Variants in MCAT observed in about 807,000 individuals in gnomAD.
MCAT encodes malonyl-CoA-acyl carrier protein transacylase, mitochondrial.
In MCAT, 22 loss-of-function variants were observed where a neutral mutation model predicts 22.9. That is an observed-to-expected ratio of 0.96 (90% CI 0.69 to 1.37). The LOEUF is 1.37. Ranked by LOEUF, MCAT falls within the 40% of genes most tolerant of loss-of-function variation. The probability of loss-of-function intolerance (pLI) is 0.00; values close to 1 mark genes in which losing one functional copy is unlikely to be tolerated. For missense variants in MCAT, 534 were observed against 533.6 expected (o/e 1.00, Z -0.01); for synonymous variants, 240 against 233.9 (o/e 1.03, Z -0.24).
At chr22:43,142,882 C>T in intron 1 of MCAT, 44 bp downstream of exon 1, 2 of 1,450,198 alleles carry the variant, frequency 1.4e-6, no homozygotes, top group Non-Finnish European at 1.8e-6. Flanking sequence ...AGAGCTCAGG[C>T]AGAGCTCACC....
intron 3 of MCAT, among the ~76,000 whole-genome samples, chr22:43,134,663 C>T (rs190439259): frequency 2.9e-4 from 44 of 152,290 alleles, no homozygotes; most frequent in South Asian, 1.0e-3. Flanking sequence ...CCCAGCCTGG[C>T]GAGCACAGAC....
At chr22:43,136,972 G>T (rs1400255489) in intron 3 of MCAT, 109 bp downstream of exon 3, 31 of 909,430 alleles carry the variant, frequency 3.4e-5, no homozygotes, top group Non-Finnish European at 5.0e-5. Flanking sequence ...ACTTCCTAAA[G>T]ACCGGGCTGG....
intron 3 of MCAT, among the ~76,000 whole-genome samples, chr22:43,136,205 C>A (rs1008739795): frequency 2.6e-5 from 4 of 152,206 alleles, no homozygotes; most frequent in African/African-American, 9.6e-5. Context: ...GATGGTGCCA[C>A]CATACTCCAG....
intron 3 of MCAT, among the ~76,000 whole-genome samples, chr22:43,136,014 G>C (rs1337053776): frequency 6.6e-6 from 1 of 152,152 alleles, no homozygotes; most frequent in South Asian, 2.1e-4. Context: ...AGGCTGAGGT[G>C]GGGGGATCCC....
intron 2 of MCAT, among the ~76,000 whole-genome samples, chr22:43,137,735 GT>G (rs369123320): frequency 0.24 from 34,441 of 146,146 alleles, 4,681 homozygotes; most frequent in African/African-American, 0.39. Flanking sequence ...TAGCGCCACT[GT>G]TTTTTTTTTT....
At position 43,143,067 on chromosome 22, in the gene MCAT, G is replaced by A. The variant is rs1426690051; in HGVS notation, c.282C>T (p.Ala94=). Residue 94 remains alanine, a synonymous_variant, in exon 1 of 4, where the codon GCC becomes GCT. Transcript: ENST00000290429. The part of the protein sequence containing the change: ...YPRVRELYAA[A]RRVLGYDLLE... ...GCAGGTCGTAGCCCAGCACGCGGCG[G>A]GCGGCGGCGTAGAGTTCGCGGACGC... 81 of 1,609,266 alleles carry A rather than the reference G, an allele frequency of 5.0e-5. No individual in the cohort carries two copies. The highest frequency in any genetic ancestry group is 6.6e-5 in the Non-Finnish European group (78 of 1,179,224).
intron 2 of MCAT, 24 bp downstream of exon 2, chr22:43,141,138 A>G: frequency 1.2e-6 from 2 of 1,611,472 alleles, no homozygotes; most frequent in Non-Finnish European, 1.7e-6. Flanking sequence ...ACAGCCTTGC[A>G]TAAAACCAAA....
At chr22:43,137,396 A>T in intron 2 of MCAT, 98 bp from the exon 3 acceptor site, 5 of 944,460 alleles carry the variant, frequency 5.3e-6, no homozygotes, top group Non-Finnish European at 6.4e-6. Flanking sequence ...TCTGCACTAG[A>T]GACAGGGGCA....
Position 43,137,136 on chromosome 22 carries a change from C to A in MCAT, c.674G>T (p.Cys225Phe). 6.2e-7 allele frequency: 1 copy of A among 1,614,172 alleles called. No individual in the cohort carries two copies. The highest frequency in any genetic ancestry group is 8.5e-7 in the Non-Finnish European group (1 of 1,180,044). Residue 225 changes from cysteine to phenylalanine, a missense_variant, in exon 3 of 4, where the codon TGT (cysteine) becomes TTT (phenylalanine). Physicochemically the swap from Cys to Phe is radical, Grantham distance 205 (BLOSUM62 -2). Coordinates refer to ENST00000290429, the MANE Select transcript of MCAT (RefSeq NM_173467.5). ...TGGAAAGAGGTAGTTGGACACTTCA[C>A]ATACGGGGTTCTCTATGCCTAAAGA... is the stretch of plus-strand genomic sequence containing the variant. ...CKSLGIENPVCEVSNYLFPDC... is the reference protein window; with the variant it reads ...CKSLGIENPVFEVSNYLFPDC...
intron 3 of MCAT, 56 bp from the exon 4 acceptor site, chr22:43,133,542 ATCTGACCAT>A (rs1467113206): frequency 4.2e-6 from 6 of 1,427,380 alleles, no homozygotes; most frequent in Non-Finnish European, 5.7e-6. Context: ...GCCTTTACAG[ATCTGACCAT>A]TCACAGGGCC....
Position 43,132,891 on chromosome 22 carries a change from AG to A in MCAT, c.*151del. 1 of 653,954 alleles carries A rather than the reference AG, an allele frequency of 1.5e-6. No homozygotes were observed. 40.5% of individuals were successfully genotyped at this position (653,954 alleles called of 1,614,324 possible). On this transcript the variant is annotated 3_prime_UTR_variant, in exon 4 of 4. Transcript: ENST00000290429. ...GTCATGTAAAGAAATACTCATTTTT[AG>A]GGCTTTTTATGTGGCCTTCAAAGCA...
At chr22:43,140,224 C>T (rs1283470996) in intron 2 of MCAT, among the ~76,000 whole-genome samples, 1 of 152,208 alleles carries the variant, frequency 6.6e-6, no homozygotes, top group Non-Finnish European at 1.5e-5. Flanking sequence ...GTCACCCATG[C>T]CGCAGTGCAG....
chr22:43,141,111 C>T (rs1930754713), intron 2 of MCAT, 51 bp downstream of exon 2: 1 of 1,523,122 alleles, frequency 6.6e-7, no homozygotes, highest in South Asian at 1.1e-5. Flanking sequence ...TCCCTTACCC[C>T]TAATGAGCCC....
rs1314949054 is a variant in MCAT at position 43,142,974 on chromosome 22, G to A, written c.375C>T (p.Phe125=). The change falls in exon 1 of 4, where the codon TTC becomes TTT. Residue 125 remains phenylalanine, a synonymous_variant. Coordinates refer to ENST00000290429, the MANE Select transcript of MCAT (RefSeq NM_173467.5). ...DRTVHCQPAI[F]VASLAAVEKL... ...TCTCGACAGCGGCCAGCGATGCCACGAAGATCGCGGGCTGACAGTGCACGG... is the reference window on the plus strand; with the variant it reads ...TCTCGACAGCGGCCAGCGATGCCACAAAGATCGCGGGCTGACAGTGCACGG... The A allele has an allele frequency of 2.5e-6, 4 of 1,597,550 alleles. No individual in the cohort carries two copies. Among genetic ancestry groups the A allele is most frequent in the Non-Finnish European group, 3.4e-6 (4 of 1,171,844 alleles).
chr22:43,141,841 T>C (rs559816469), intron 1 of MCAT, among the ~76,000 whole-genome samples: 42 of 152,302 alleles, frequency 2.8e-4, no homozygotes, highest in African/African-American at 9.4e-4. Context: ...AAGTGCTGGA[T>C]TATAGGCATT....
Position 43,143,180 on chromosome 22 carries a change from G to A in MCAT, c.169C>T (p.Arg57Ter), listed in dbSNP as rs11538338. ...AGCACGGAGCACTGGCCCGGCATTC[G>A]CCGCTCCGTCGCCGCCCAGGGCGCC... The part of the protein sequence containing the change: ...EEAPWAATER[R>*]MPGQCSVLLF... The change falls in exon 1 of 4, where the codon CGA (arginine) becomes TGA (stop). Residue 57 changes from arginine to a stop codon, truncating the protein, a stop_gained. Coordinates refer to ENST00000290429, the MANE Select transcript of MCAT (RefSeq NM_173467.5). LOFTEE classifies it high-confidence loss of function. 3 of 1,553,602 alleles carry A rather than the reference G, an allele frequency of 1.9e-6. No individual in the cohort carries two copies. The highest frequency in any genetic ancestry group is 2.8e-5 in the African/African-American group (2 of 71,696).
At position 43,133,391 on chromosome 22, in the gene MCAT, CTCCATGAGGCGGGT is replaced by C. The variant is rs773735473; in HGVS notation, c.811_824del (p.Thr271AlafsTer16). The C allele has an allele frequency of 6.2e-7, 1 of 1,614,170 alleles. No individual in the cohort carries two copies. The highest frequency in any genetic ancestry group is 1.7e-5 in the Admixed American group (1 of 60,010). Reference sequence around the variant, plus strand: ...CTTGCGTCAGGGGCTCCACGGCTGGCTCCATGAGGCGGGTGTGGAATGCGCCACTAACCGGCAAC... The same window carrying C: ...CTTGCGTCAGGGGCTCCACGGCTGGCGTGGAATGCGCCACTAACCGGCAAC... On this transcript the variant is annotated frameshift_variant, in exon 4 of 4. Coordinates refer to ENST00000290429, the MANE Select transcript of MCAT (RefSeq NM_173467.5). LOFTEE classifies it low-confidence loss of function (END_TRUNC).
intron 2 of MCAT, among the ~76,000 whole-genome samples, chr22:43,138,939 A>C (rs1474165572): frequency 1.3e-5 from 2 of 152,210 alleles, no homozygotes; most frequent in Non-Finnish European, 2.9e-5. Flanking sequence ...TATGTACTGG[A>C]CTTTTAGCTC....
intron 3 of MCAT, 43 bp from the exon 4 acceptor site, chr22:43,133,529 T>G: frequency 6.6e-7 from 1 of 1,508,348 alleles, no homozygotes; most frequent in Non-Finnish European, 9.0e-7. Context: ...GTCCCAGAAA[T>G]CCGCCTTTAC....
Sources: gnomAD v4.1 joint callset for allele counts (sites outside exome capture counted in the v4.1 genomes callset) on GRCh38, gnomAD v4.1.1 for gene constraint, MANE v1.5 for transcripts, NCBI Gene and HGNC (gene_info 2026-07-23, HGNC 2026-07-21) for gene names.